NPTX2: variants seen among roughly 807,000 people sequenced by gnomAD.
NPTX2 encodes neuronal pentraxin 2, also known as neuronal pentraxin-2.
NPTX2 carries 23 observed loss-of-function variants against 38.1 expected under a neutral mutation model. The observed-to-expected ratio is 0.60, with a 90% CI of 0.43 to 0.85. NPTX2 has a LOEUF of 0.85. Ranked by LOEUF, NPTX2 falls within the 40% of genes least tolerant of loss-of-function variation. The pLI, the probability that NPTX2 is intolerant of heterozygous loss-of-function variation, is 0.00. For missense variants in NPTX2, 553 were observed against 615.3 expected (o/e 0.90, Z 1.07); for synonymous variants, 291 against 287.3 (o/e 1.01, Z -0.13).
intron 2 of NPTX2, among the ~76,000 whole-genome samples, chr7:98,621,751 C>T (rs934973432): frequency 2.0e-5 from 3 of 152,220 alleles, no homozygotes; most frequent in African/African-American, 4.8e-5. Flanking sequence ...CCACACTTGG[C>T]ATTCTGTAAT....
chr7:98,623,628 T>C (rs571442419), intron 2 of NPTX2, among the ~76,000 whole-genome samples: 7 of 152,148 alleles, frequency 4.6e-5, no homozygotes, highest in Admixed American at 1.3e-4. Flanking sequence ...TTGTCAGGGA[T>C]TTAGACCAAA....
Position 98,619,694 on chromosome 7 carries a change from G to A in NPTX2, c.478G>A (p.Glu160Lys), listed in dbSNP as rs1791241518. The A allele has an allele frequency of 1.9e-6, 3 of 1,613,400 alleles. No homozygotes were observed. Among genetic ancestry groups the A allele is most frequent in the East Asian group, 2.2e-5 (1 of 44,896 alleles). Residue 160 changes from glutamate to lysine, a missense_variant, in exon 2 of 5, where the codon GAG (glutamate) becomes AAG (lysine). Glu to Lys is a moderately conservative substitution (Grantham distance 56, BLOSUM62 1). Coordinates refer to ENST00000265634, the MANE Select transcript of NPTX2 (RefSeq NM_002523.3). Reference sequence around the variant, plus strand: ...TGCTGGGCTGCCCGGCGACTTCCGCGAGGTGCTCCAGCAGCGGCTGGGGGA... The same window carrying A: ...TGCTGGGCTGCCCGGCGACTTCCGCAAGGTGCTCCAGCAGCGGCTGGGGGA... ...SNAGLPGDFR[E>K]VLQQRLGELE... is the part of the protein sequence containing the mutation.
chr7:98,623,824 C>A (rs763659746), intron 2 of NPTX2, among the ~76,000 whole-genome samples: 1 of 152,090 alleles, frequency 6.6e-6, no homozygotes, highest in South Asian at 2.1e-4. Flanking sequence ...CTAGATCCTG[C>A]GAAGATTTCA....
At position 98,625,157 on chromosome 7, in the gene NPTX2, C is replaced by T; in HGVS notation, c.879C>T (p.Ile293=). Residue 293 remains isoleucine (I), a synonymous_variant, in exon 3 of 5, where the codon ATC becomes ATT. Coordinates refer to ENST00000265634, the MANE Select transcript of NPTX2 (RefSeq NM_002523.3). The stretch of plus-strand genomic sequence containing the variant: ...GCAACAACCCCATCGAGCTGCTCAT[C>T]AACGACAAGGTGAGGCCCGCCTGCA... ...EWGNNPIELL[I]NDKVAQLPLF... The T allele has an allele frequency of 6.3e-7, 1 of 1,591,010 alleles. No individual in the cohort carries two copies. The highest frequency in any genetic ancestry group is 8.6e-7 in the Non-Finnish European group (1 of 1,164,950).
intron 1 of NPTX2, 91 bp from the exon 2 acceptor site, chr7:98,619,552 T>G: frequency 9.2e-7 from 1 of 1,087,486 alleles, no homozygotes; most frequent in Non-Finnish European, 1.4e-6. Flanking sequence ...TTTTGGAAGC[T>G]TCTCCCTGTG....
intron 3 of NPTX2, among the ~76,000 whole-genome samples, 176 bp downstream of exon 3, chr7:98,625,342 C>T (rs1430954447): frequency 5.3e-5 from 8 of 152,164 alleles, no homozygotes. Context: ...GGGCGGCTCA[C>T]AGGGGCGGGG....
intron 4 of NPTX2, among the ~76,000 whole-genome samples, 166 bp downstream of exon 4, chr7:98,627,510 G>A (rs900141546): frequency 4.6e-5 from 7 of 152,238 alleles, no homozygotes; most frequent in African/African-American, 1.7e-4. Flanking sequence ...CTCAGACCTG[G>A]CCACAGTGTC....
chr7:98,625,241 C>T (rs931215367), intron 3 of NPTX2, 75 bp downstream of exon 3: 107 of 1,512,684 alleles, frequency 7.1e-5, no homozygotes, highest in Non-Finnish European at 8.0e-5. Context: ...CCACCCCAGC[C>T]GTCCTCGCCC....
At chr7:98,619,041 C>G (rs567740335) in intron 1 of NPTX2, among the ~76,000 whole-genome samples, 2 of 152,248 alleles carry the variant, frequency 1.3e-5, no homozygotes, top group African/African-American at 4.8e-5. Flanking sequence ...GCCATGAACT[C>G]ATGGGTAGGC....
intron 4 of NPTX2, among the ~76,000 whole-genome samples, chr7:98,627,591 C>T (rs1313585026): frequency 6.6e-6 from 1 of 152,138 alleles, no homozygotes; most frequent in African/African-American, 2.4e-5. Context: ...AGAGGTTGGG[C>T]GTGGGGTCAC....
At chr7:98,626,221 A>T (rs906928892) in intron 3 of NPTX2, among the ~76,000 whole-genome samples, 4 of 150,630 alleles carry the variant, frequency 2.7e-5, no homozygotes, top group African/African-American at 9.8e-5. Context: ...CCAAACTTTC[A>T]TTCTAATGGC....
chr7:98,624,312 C>T (rs973759405), intron 2 of NPTX2, among the ~76,000 whole-genome samples: 5 of 152,146 alleles, frequency 3.3e-5, no homozygotes, highest in Middle Eastern at 3.4e-3. Context: ...AGGCTGGTCT[C>T]GAACTCTTGG....
In NPTX2 at chr7:98,628,643, T is replaced by C. The variant is rs760593814; in HGVS notation, c.*14T>C. ...CTTGACTTGTAGCCGCCTTCTCCTC[T>C]GTCCAGGAGGCCGGGATCAGGCTGT... On this transcript the variant is annotated 3_prime_UTR_variant, in exon 5 of 5. Transcript: ENST00000265634. The C allele has an allele frequency of 8.4e-6, 11 of 1,315,438 alleles. No homozygotes were observed. The highest frequency in any genetic ancestry group is 1.5e-5 in the African/African-American group (1 of 68,576). The allele number at this position is 1,315,438 out of a possible 1,614,324, so 81.5% of individuals were successfully genotyped here. A position where few individuals can be genotyped will look rare whatever the true frequency, so the allele number is the denominator to read the frequency against.
intron 3 of NPTX2, 78 bp downstream of exon 3, chr7:98,625,244 C>T: frequency 6.6e-7 from 1 of 1,504,066 alleles, no homozygotes; most frequent in Non-Finnish European, 8.9e-7. Flanking sequence ...CCCCAGCCGT[C>T]CTCGCCCTCC....
intron 4 of NPTX2, 88 bp downstream of exon 4, chr7:98,627,432 AG>A (rs1455839838): frequency 2.7e-6 from 3 of 1,127,214 alleles, no homozygotes; most frequent in Non-Finnish European, 3.9e-6. Context: ...TGGTGCGAGG[AG>A]GGGCCAACTG....
chr7:98,627,124 G>A lies in NPTX2; in HGVS notation c.889-41G>A, dbSNP rs752148182. 54 of 1,489,794 alleles carry A rather than the reference G, an allele frequency of 3.6e-5. 1 individual carries two copies. In the Middle Eastern group the frequency reaches 5.7e-4, roughly 16 times the overall value. 92.3% of individuals were successfully genotyped at this position (1,489,794 alleles called of 1,614,324 possible). ...TCCTGCCCTGGGGGACCCTGAGGGC[G>A]TGGGCCCAGCAGGTCCTTACCTGCA... On this transcript the variant is annotated intron_variant, in intron 3 of 4. Transcript: ENST00000265634.
rs1235355886 is a variant in NPTX2, at chr7:98,629,497, G to C, written c.*868G>C. 6.6e-6 allele frequency: 1 copy of C among 152,054 alleles called. No individual in the cohort carries two copies. The highest frequency in any genetic ancestry group is 1.5e-5 in the Non-Finnish European group (1 of 67,952). The allele number at this position is 152,054 out of a possible 1,614,324, so 9.4% of individuals were successfully genotyped here. ...CATTAGAAGAAGGCTCCCATTTTCT[G>C]ATGTTCCGCCCCACTGTGAAGAGTG... On this transcript the variant is annotated 3_prime_UTR_variant, in exon 5 of 5. Transcript: ENST00000265634.
intron 3 of NPTX2, among the ~76,000 whole-genome samples, chr7:98,626,175 C>T (rs1347251336): frequency 6.7e-6 from 1 of 148,844 alleles, no homozygotes; most frequent in African/African-American, 2.5e-5. Flanking sequence ...AAAAAGGCCA[C>T]TTTGGGCCTC....
chr7:98,621,830 GC>G (rs1791274583), intron 2 of NPTX2, among the ~76,000 whole-genome samples: 1 of 152,230 alleles, frequency 6.6e-6, no homozygotes, highest in Non-Finnish European at 1.5e-5. Context: ...CTAAAGTGAT[GC>G]CTGCATTCAC....
Sources: allele counts gnomAD v4.1 joint callset (sites outside exome capture counted in the v4.1 genomes callset), GRCh38; gene constraint gnomAD v4.1.1; transcripts MANE v1.5; gene names NCBI Gene and HGNC (gene_info 2026-07-23, HGNC 2026-07-21).